The following MND1 variants were observed in gnomAD, a reference collection of about 807,000 sequenced individuals.
MND1 encodes meiotic nuclear division protein 1 homolog.
A neutral mutation model predicts 35.1 loss-of-function variants in MND1; 28 were observed. The observed-to-expected ratio is 0.80, with a 90% CI of 0.59 to 1.09. The LOEUF (loss-of-function observed/expected upper bound fraction) is 1.09, where lower values mean the gene tolerates loss of function less well. Ranked by LOEUF, MND1 falls within the 50% of genes least tolerant of loss-of-function variation. The pLI, the probability that MND1 is intolerant of heterozygous loss-of-function variation, is 0.00. For missense variants in MND1, 213 were observed against 239.6 expected (o/e 0.89, Z 0.73); for synonymous variants, 69 against 70.5 (o/e 0.98, Z 0.11).
At chr4:153,412,819 T>C (rs1425790325) in intron 7 of MND1, among the ~76,000 whole-genome samples, 1 of 150,840 alleles carries the variant, frequency 6.6e-6, no homozygotes, top group East Asian at 1.9e-4. Flanking sequence ...CTTTTTTTTT[T>C]TTTTGAGACG....
intron 7 of MND1, among the ~76,000 whole-genome samples, chr4:153,414,421 A>G (rs1000454935): frequency 6.6e-6 from 1 of 151,836 alleles, no homozygotes; most frequent in Non-Finnish European, 1.5e-5. Context: ...AGCTGGGATT[A>G]CAGGTGCCCG....
Position 153,381,692 on chromosome 4 carries a change from A to ATTTTT in MND1, c.277-12543_277-12539dup, listed in dbSNP as rs765943574. On this transcript the variant is annotated intron_variant, in intron 4 of 7. Transcript: ENST00000240488. ...AATATATATATATATATATATATATATTTTTTTTTTTTTTTTTTTTTTTTT... is the reference window on the plus strand; with the variant it reads ...AATATATATATATATATATATATATATTTTTTTTTTTTTTTTTTTTTTTTTTTTTT... The ATTTTT allele has an allele frequency of 1.1e-3, 20 of 17,480 alleles. 4 individuals carry two copies. The highest frequency in any genetic ancestry group is 2.3e-3 in the Admixed American group (2 of 858). 1.1% of individuals were successfully genotyped at this position (17,480 alleles called of 1,614,324 possible). A position where few individuals can be genotyped will look rare whatever the true frequency, so the allele number is the denominator to read the frequency against.
intron 4 of MND1, among the ~76,000 whole-genome samples, chr4:153,359,256 T>C (rs1773420391): frequency 6.6e-6 from 1 of 152,252 alleles, no homozygotes. Context: ...TCTATAGTTT[T>C]ACCTTTTCCA....
chr4:153,359,779 C>CTTTTTTT (rs34112305), intron 4 of MND1, among the ~76,000 whole-genome samples: 4 of 62,158 alleles, frequency 6.4e-5, no homozygotes, highest in African/African-American at 1.2e-4. Flanking sequence ...TTTGGAAGAT[C>CTTTTTTT]TTTTTTTTTT....
intron 3 of MND1, among the ~76,000 whole-genome samples, chr4:153,356,470 G>T (rs1384059530): frequency 1.4e-5 from 2 of 142,490 alleles, no homozygotes; most frequent in Non-Finnish European, 1.5e-5. Flanking sequence ...GGAGAATGGC[G>T]TGAACCCAGG....
At chr4:153,357,319 T>C (rs758515377) in intron 3 of MND1, among the ~76,000 whole-genome samples, 1 of 152,198 alleles carries the variant, frequency 6.6e-6, no homozygotes, top group Non-Finnish European at 1.5e-5. Context: ...CTTAAAGATA[T>C]GCAAATTTCT....
intron 6 of MND1, among the ~76,000 whole-genome samples, chr4:153,398,808 C>A (rs1464602460): frequency 6.6e-6 from 1 of 152,200 alleles, no homozygotes; most frequent in African/African-American, 2.4e-5. Context: ...TTAACTAATA[C>A]CAGGTGATCC....
At chr4:153,392,307 A>G (rs1472170562) in intron 4 of MND1, among the ~76,000 whole-genome samples, 2 of 151,986 alleles carry the variant, frequency 1.3e-5, no homozygotes, top group Non-Finnish European at 2.9e-5. Flanking sequence ...GGGTTTCACC[A>G]TGTTAGCCAG....
chr4:153,383,152 G>T lies in MND1; in HGVS notation c.277-11110G>T, dbSNP rs534824394. On this transcript the variant is annotated intron_variant, in intron 4 of 7. Transcript: ENST00000240488. ...GAGTATATGAGTATTTCCATGGACT[G>T]CATGTGACCCACACACAAAAGTGAG... 1.2e-4 allele frequency among the ~76,000 whole-genome samples: 19 copies of T among 152,312 alleles called. No individual in the cohort carries two copies. In the South Asian group the frequency reaches 3.7e-3, roughly 30 times the overall value.
chr4:153,349,234 G>T (rs903187838), intron 1 of MND1, among the ~76,000 whole-genome samples: 2 of 151,570 alleles, frequency 1.3e-5, no homozygotes, highest in African/African-American at 4.9e-5. Flanking sequence ...GCTACATATT[G>T]TCTTAATTTC....
chr4:153,407,141 A>G (rs1729535388), intron 6 of MND1, among the ~76,000 whole-genome samples: 1 of 152,144 alleles, frequency 6.6e-6, no homozygotes, highest in African/African-American at 2.4e-5. Context: ...CCATATCAAC[A>G]CCCATTAGGA....
At chr4:153,383,103 T>C (rs1036457254) in intron 4 of MND1, among the ~76,000 whole-genome samples, 2 of 152,248 alleles carry the variant, frequency 1.3e-5, no homozygotes, top group Non-Finnish European at 2.9e-5. Flanking sequence ...ATTAGGACCT[T>C]GGCCAGCAAG....
At chr4:153,374,639 AT>A (rs897903247) in intron 4 of MND1, among the ~76,000 whole-genome samples, 71 of 146,492 alleles carry the variant, frequency 4.8e-4, no homozygotes, top group South Asian at 1.5e-3. Flanking sequence ...AGACTCTTTA[AT>A]TTTTTTTTTT....
intron 5 of MND1, among the ~76,000 whole-genome samples, chr4:153,395,879 A>G (rs950761684): frequency 1.3e-5 from 2 of 151,500 alleles, no homozygotes; most frequent in African/African-American, 4.9e-5. Context: ...TCTCCTCTTG[A>G]TTTTGTTTTG....
chr4:153,414,285 CTTT>C lies in MND1; in HGVS notation c.512-455_512-453del, dbSNP rs72529287. Among the ~76,000 whole-genome samples, 95 of 147,500 alleles carry C rather than the reference CTTT, an allele frequency of 6.4e-4. 2 individuals are homozygous for C. In the South Asian group the frequency reaches 0.012, roughly 18 times the overall value. On this transcript the variant is annotated intron_variant, in intron 7 of 7. Transcript: ENST00000240488. ...ACTTGTTCAAAATAGTATTTAAATACTTTTTTTTTTTTTGATACGGAGTGTCAC... is the reference window on the plus strand; with the variant it reads ...ACTTGTTCAAAATAGTATTTAAATACTTTTTTTTTTGATACGGAGTGTCAC...
rs1274918807 is a variant in MND1 at position 153,358,465 on chromosome 4, G to T, written c.128-9G>T. The T allele has an allele frequency of 6.4e-7, 1 of 1,572,074 alleles. No homozygotes were observed. The highest frequency in any genetic ancestry group is 2.3e-5 in the East Asian group (1 of 43,728). On this transcript the variant is annotated splice_polypyrimidine_tract_variant and intron_variant, in intron 3 of 7. Transcript: ENST00000240488. ...TTCTAACATAGAGTCTTTAAAAATTGTCTCTTAGCTGCTATGTCAGTAAAA... is the reference window on the plus strand; with the variant it reads ...TTCTAACATAGAGTCTTTAAAAATTTTCTCTTAGCTGCTATGTCAGTAAAA...
At chr4:153,371,712 A>G (rs747535075) in intron 4 of MND1, among the ~76,000 whole-genome samples, 1 of 152,102 alleles carries the variant, frequency 6.6e-6, no homozygotes, top group Non-Finnish European at 1.5e-5. Context: ...TATCTCAGCA[A>G]TACGGCTGTT....
chr4:153,378,812 A>G (rs1475020899), intron 4 of MND1, among the ~76,000 whole-genome samples: 1 of 152,178 alleles, frequency 6.6e-6, no homozygotes, highest in Non-Finnish European at 1.5e-5. Context: ...GGAGTCTCTG[A>G]AAGAGCCCAA....
intron 3 of MND1, among the ~76,000 whole-genome samples, chr4:153,357,237 C>T (rs1404131845): frequency 1.3e-5 from 2 of 152,102 alleles, no homozygotes; most frequent in Non-Finnish European, 2.9e-5. Context: ...CACTGAGAGT[C>T]CCTCACACTT....
Sources: gnomAD v4.1 joint callset for allele counts (sites outside exome capture counted in the v4.1 genomes callset) on GRCh38, gnomAD v4.1.1 for gene constraint, MANE v1.5 for transcripts, NCBI Gene and HGNC (gene_info 2026-07-23, HGNC 2026-07-21) for gene names.